Variants in MACROD2 observed in about 807,000 individuals in gnomAD.
MACROD2 encodes the protein ADP-ribose glycohydrolase MACROD2.
A neutral mutation model predicts 70.4 loss-of-function variants in MACROD2; 36 were observed. That is an observed-to-expected ratio of 0.51 (90% CI 0.39 to 0.68). MACROD2 has a LOEUF of 0.68. Ranked by LOEUF, MACROD2 falls within the 30% of genes least tolerant of loss-of-function variation. The probability of loss-of-function intolerance (pLI) is 0.00; values close to 1 mark genes in which losing one functional copy is unlikely to be tolerated. For synonymous variants in MACROD2, 172 were observed against 178.8 expected (o/e 0.96, Z 0.30); for missense variants, 496 against 538.4 (o/e 0.92, Z 0.78).
chr20:15,243,567 T>C (rs1248152963), intron 6 of MACROD2, among the ~76,000 whole-genome samples: 1 of 152,030 alleles, frequency 6.6e-6, no homozygotes, highest in African/African-American at 2.4e-5. Context: ...TAAATAAATA[T>C]GCAGTGGGGC....
chr20:14,893,693 G>A (rs1185534975), intron 5 of MACROD2: 1 of 151,946 alleles, frequency 6.6e-6, no homozygotes, highest in Non-Finnish European at 1.5e-5. Context: ...TGATTTGTAA[G>A]TTCATAATCT....
chr20:15,771,285 C>T (rs952022166), intron 8 of MACROD2, among the ~76,000 whole-genome samples: 3 of 152,054 alleles, frequency 2.0e-5, no homozygotes, highest in Non-Finnish European at 4.4e-5. Flanking sequence ...AGTGATCCTC[C>T]CACCTCAGCC....
At chr20:14,947,658 G>C (rs2074443711) in intron 5 of MACROD2, among the ~76,000 whole-genome samples, 1 of 152,094 alleles carries the variant, frequency 6.6e-6, no homozygotes, top group African/African-American at 2.4e-5. Context: ...GCAGAGTTCT[G>C]ACTCAGGAAA....
At chr20:14,816,162 A>G (rs73106521) in intron 5 of MACROD2, among the ~76,000 whole-genome samples, 3,825 of 152,120 alleles carry the variant, frequency 0.025, 101 homozygotes, top group Non-Finnish European at 0.035. Context: ...AGGTACGGAA[A>G]GATAAGATGG....
intron 3 of MACROD2, among the ~76,000 whole-genome samples, chr20:14,393,387 C>T (rs1158599156): frequency 6.6e-6 from 1 of 152,178 alleles, no homozygotes; most frequent in Admixed American, 6.5e-5. Flanking sequence ...GCTTCTTTCA[C>T]TGTCTACCCT....
chr20:15,088,398 TATATATA>T (rs2075765229), intron 5 of MACROD2, among the ~76,000 whole-genome samples: 1 of 6,800 alleles, frequency 1.5e-4, no homozygotes, highest in Non-Finnish European at 4.0e-4. Flanking sequence ...TACTATATTT[TATATATA>T]TATATATATA....
At chr20:14,191,053 G>T (rs902840368) in intron 3 of MACROD2, among the ~76,000 whole-genome samples, 1 of 151,966 alleles carries the variant, frequency 6.6e-6, no homozygotes, top group Admixed American at 6.6e-5. Context: ...TTTTATCCTG[G>T]TTGGTTTTTT....
At position 15,789,441 on chromosome 20, in the gene MACROD2, T is replaced by C. The variant is rs552193705; in HGVS notation, c.646-73304T>C. The stretch of plus-strand genomic sequence containing the variant: ...TGTTTGAAATAATATTCAGCCATTT[T>C]TCTTATATGACAGCAAAAACACAAA... On this transcript the variant is annotated intron_variant, in intron 8 of 17. Coordinates refer to ENST00000684519, the MANE Select transcript of MACROD2 (RefSeq NM_001351661.2). Among the ~76,000 whole-genome samples the C allele has an allele frequency of 2.4e-4, 37 of 152,262 alleles. No homozygotes were observed. The South Asian group carries it at 7.7e-3, about 32-fold the overall frequency.
In MACROD2 at chr20:14,466,171, A is replaced by C. The variant is rs1427676278; in HGVS notation, c.272-27308A>C. The stretch of plus-strand genomic sequence containing the variant: ...TTCTCCCCGTCACTTTCAGGTACAC[A>C]AATTGGACGTAGATTTGGTCTTTTC... On this transcript the variant is annotated intron_variant, in intron 3 of 17. Transcript: ENST00000684519. Among the ~76,000 whole-genome samples the C allele has an allele frequency of 4.6e-5, 7 of 152,032 alleles. No homozygotes were observed. The East Asian group carries it at 7.7e-4, about 17-fold the overall frequency.
At chr20:15,037,144 A>G (rs910404698) in intron 5 of MACROD2, among the ~76,000 whole-genome samples, 2 of 152,100 alleles carry the variant, frequency 1.3e-5, no homozygotes, top group Admixed American at 6.6e-5. Flanking sequence ...TGGCACTTTC[A>G]TGACATGTGG....
chr20:14,674,986 A>G (rs982488294), intron 4 of MACROD2, among the ~76,000 whole-genome samples: 3 of 152,204 alleles, frequency 2.0e-5, no homozygotes, highest in Non-Finnish European at 4.4e-5. Flanking sequence ...CCCTGTGAAA[A>G]TCCAAGAATT....
At chr20:14,721,910 G>A (rs551117757) in intron 5 of MACROD2, among the ~76,000 whole-genome samples, 270 of 152,192 alleles carry the variant, frequency 1.8e-3, no homozygotes, top group African/African-American at 6.1e-3. Flanking sequence ...TTAAGGAACC[G>A]TGTGGTAGAA....
intron 5 of MACROD2, among the ~76,000 whole-genome samples, chr20:15,031,218 G>A (rs1157999784): frequency 1.3e-5 from 2 of 152,186 alleles, no homozygotes; most frequent in African/African-American, 2.4e-5. Context: ...GCTTGGAGAC[G>A]TCAGGAACCT....
rs184841134 is a variant in MACROD2, at chr20:15,910,709, T to A, written c.776-22567T>A. On this transcript the variant is annotated intron_variant, in intron 10 of 17. Coordinates refer to ENST00000684519, the MANE Select transcript of MACROD2 (RefSeq NM_001351661.2). ...GAACACGTCGGTCCACGAATGTTTT[T>A]AAATCTGTAATTTAAAAAACTCCCA... 2.6e-5 allele frequency among the ~76,000 whole-genome samples: 4 copies of A among 152,298 alleles called. No individual in the cohort carries two copies. The East Asian group carries it at 7.7e-4, about 29-fold the overall frequency.
At chr20:14,167,679 G>A (rs560480513) in intron 3 of MACROD2, among the ~76,000 whole-genome samples, 36 of 152,038 alleles carry the variant, frequency 2.4e-4, no homozygotes, top group Non-Finnish European at 4.7e-4. Flanking sequence ...GTGAGCCACC[G>A]CACACGGCCT....
chr20:15,150,791 G>A (rs1196129741), intron 5 of MACROD2, among the ~76,000 whole-genome samples: 3 of 152,010 alleles, frequency 2.0e-5, no homozygotes, highest in African/African-American at 7.3e-5. Context: ...TAGTTAAAGT[G>A]TCTCGGCCTA....
At chr20:14,722,847 C>T (rs916310531) in intron 5 of MACROD2, among the ~76,000 whole-genome samples, 1 of 152,158 alleles carries the variant, frequency 6.6e-6, no homozygotes, top group Admixed American at 6.5e-5. Context: ...TGAGTGATGT[C>T]TGACTTTATC....
At chr20:15,110,657 G>A (rs941583560) in intron 5 of MACROD2, among the ~76,000 whole-genome samples, 1 of 152,192 alleles carries the variant, frequency 6.6e-6, no homozygotes, top group Non-Finnish European at 1.5e-5. Context: ...CCTTCACGCA[G>A]TACATGCAAC....
chr20:15,619,123 A>C (rs2049087699), intron 8 of MACROD2, among the ~76,000 whole-genome samples: 1 of 152,204 alleles, frequency 6.6e-6, no homozygotes, highest in African/African-American at 2.4e-5. Flanking sequence ...TCTTAGAAGA[A>C]GTTTAGGGAG....
Sources: allele counts gnomAD v4.1 joint callset (sites outside exome capture counted in the v4.1 genomes callset), GRCh38; gene constraint gnomAD v4.1.1; transcripts MANE v1.5; gene names NCBI Gene and HGNC (gene_info 2026-07-23, HGNC 2026-07-21).